Variants in TMEM178A observed in about 807,000 individuals in gnomAD.
TMEM178A encodes transmembrane protein 178A.
In TMEM178A, 12 loss-of-function variants were observed where a neutral mutation model predicts 29.1. The observed-to-expected ratio is 0.41, with a 90% CI of 0.26 to 0.67. The LOEUF (loss-of-function observed/expected upper bound fraction) is 0.67, where lower values mean the gene tolerates loss of function less well. Ranked by LOEUF, TMEM178A falls within the 30% of genes least tolerant of loss-of-function variation. TMEM178A has a pLI of 0.29. For synonymous variants in TMEM178A, 210 were observed against 187.2 expected, an observed-to-expected ratio of 1.12 and a Z score of -0.99; for missense variants, 366 against 419.1, an observed-to-expected ratio of 0.87 and a Z score of 1.11.
chr2:39,723,926 AG>A, the TMEM178A span, among the ~76,000 whole-genome samples: 1 of 152,302 alleles, frequency 6.6e-6, no homozygotes, highest in East Asian at 1.9e-4. Context: ...GCATTTTCCA[AG>A]GGTCCCTTTG....
At chr2:39,698,837 T>G (rs1290243089) in intron 1 of TMEM178A, among the ~76,000 whole-genome samples, 1 of 152,186 alleles carries the variant, frequency 6.6e-6, no homozygotes, top group Non-Finnish European at 1.5e-5. Context: ...TAAGTCAATT[T>G]CTTTACTTGT....
At chr2:39,690,545 A>C (rs1385672362) in intron 1 of TMEM178A, among the ~76,000 whole-genome samples, 1 of 152,210 alleles carries the variant, frequency 6.6e-6, no homozygotes, top group East Asian at 1.9e-4. Flanking sequence ...ACTGCCTGCA[A>C]GAGGGAATGA....
At chr2:39,696,605 G>T (rs1251096718) in intron 1 of TMEM178A, among the ~76,000 whole-genome samples, 1 of 152,144 alleles carries the variant, frequency 6.6e-6, no homozygotes, top group Non-Finnish European at 1.5e-5. Flanking sequence ...TCAAACCCAA[G>T]TCTGTCTGAC....
At chr2:39,731,808 G>T in the TMEM178A span, among the ~76,000 whole-genome samples, 1 of 152,142 alleles carries the variant, frequency 6.6e-6, no homozygotes, top group Non-Finnish European at 1.5e-5. Flanking sequence ...TCCTTGTTGG[G>T]CCAGTGCATT....
At chr2:39,684,752 C>T (rs1671002873) in intron 1 of TMEM178A, among the ~76,000 whole-genome samples, 1 of 152,030 alleles carries the variant, frequency 6.6e-6, no homozygotes, top group African/African-American at 2.4e-5. Flanking sequence ...CTCTTTATTT[C>T]TCATCACTCT....
intron 1 of TMEM178A, among the ~76,000 whole-genome samples, chr2:39,679,469 A>G (rs1022817722): frequency 2.6e-5 from 4 of 151,972 alleles, no homozygotes; most frequent in African/African-American, 9.7e-5. Context: ...TGAAGTATTC[A>G]AAAAAAATCA....
At chr2:39,716,907 C>A in intron 3 of TMEM178A, 103 bp from the exon 4 acceptor site, 1 of 1,341,022 alleles carries the variant, frequency 7.5e-7, no homozygotes, top group Non-Finnish European at 1.0e-6. Context: ...TTTGGAGTGA[C>A]TGCCTCAGTG....
intron 3 of TMEM178A, among the ~76,000 whole-genome samples, chr2:39,711,716 C>T (rs1672309983): frequency 6.6e-6 from 1 of 152,150 alleles, no homozygotes; most frequent in African/African-American, 2.4e-5. Context: ...TTGATTATGA[C>T]ATGAAACTAC....
chr2:39,688,040 A>C (rs1332826716), intron 1 of TMEM178A, among the ~76,000 whole-genome samples: 1 of 152,226 alleles, frequency 6.6e-6, no homozygotes, highest in African/African-American at 2.4e-5. Flanking sequence ...ATGTCAGTAA[A>C]GCTCTCAGCA....
At chr2:39,722,682 A>G (rs1672727167), downstream of TMEM178A, among the ~76,000 whole-genome samples, 1 of 152,236 alleles carries the variant, frequency 6.6e-6, no homozygotes, top group Admixed American at 6.5e-5. Flanking sequence ...AAATCACAGC[A>G]GATAGACTAT....
chr2:39,724,996 G>C, the TMEM178A span, among the ~76,000 whole-genome samples: 1 of 152,168 alleles, frequency 6.6e-6, no homozygotes, highest in Non-Finnish European at 1.5e-5. Context: ...AGGTAATCTG[G>C]GGGAGATGAC....
chr2:39,721,795 A>T (rs1672710705), downstream of TMEM178A, among the ~76,000 whole-genome samples: 1 of 151,960 alleles, frequency 6.6e-6, no homozygotes. Context: ...GGTATTCAAG[A>T]CCAGGCTGGG....
At chr2:39,716,474 C>G (rs1274008815) in intron 3 of TMEM178A, among the ~76,000 whole-genome samples, 1 of 151,916 alleles carries the variant, frequency 6.6e-6, no homozygotes, top group African/African-American at 2.4e-5. Flanking sequence ...TGTGCCTTAA[C>G]AAAAAAGATT....
At chr2:39,692,826 C>T (rs1416991078) in intron 1 of TMEM178A, among the ~76,000 whole-genome samples, 2 of 152,210 alleles carry the variant, frequency 1.3e-5, no homozygotes, top group African/African-American at 4.8e-5. Context: ...CTAAGTCACA[C>T]AGCATGTCCT....
At chr2:39,719,075 T>G (rs1008702912), downstream of TMEM178A, among the ~76,000 whole-genome samples, 2 of 152,218 alleles carry the variant, frequency 1.3e-5, no homozygotes, top group Non-Finnish European at 2.9e-5. Context: ...CACACCAGCT[T>G]TGGCTCCGTG....
At chr2:39,679,249 G>A (rs560643030) in intron 1 of TMEM178A, among the ~76,000 whole-genome samples, 4 of 152,008 alleles carry the variant, frequency 2.6e-5, no homozygotes, top group African/African-American at 9.7e-5. Flanking sequence ...TTCAAATCAC[G>A]GTCATATCTG....
chr2:39,669,821 T>C (rs1670335611), intron 1 of TMEM178A, among the ~76,000 whole-genome samples: 1 of 152,262 alleles, frequency 6.6e-6, no homozygotes, highest in Non-Finnish European at 1.5e-5. Context: ...ACATGATAAC[T>C]TATCAAATGC....
intron 1 of TMEM178A, among the ~76,000 whole-genome samples, chr2:39,670,493 A>T (rs1670367634): frequency 6.6e-6 from 1 of 152,178 alleles, no homozygotes; most frequent in African/African-American, 2.4e-5. Context: ...AGGGTAGGAG[A>T]ATACTTTGGG....
At chr2:39,682,884 A>G (rs1348227508) in intron 1 of TMEM178A, among the ~76,000 whole-genome samples, 1 of 152,072 alleles carries the variant, frequency 6.6e-6, no homozygotes, top group Non-Finnish European at 1.5e-5. Context: ...GTGTGAGCAG[A>G]TCTCATTTGT....
Sources: allele counts gnomAD v4.1 joint callset (sites outside exome capture counted in the v4.1 genomes callset), GRCh38; gene constraint gnomAD v4.1.1; transcripts MANE v1.5; gene names NCBI Gene and HGNC (gene_info 2026-07-23, HGNC 2026-07-21).